KCNT1: variants seen among roughly 807,000 people sequenced by gnomAD.
The protein encoded by KCNT1 is potassium channel subfamily T member 1.
A neutral mutation model predicts 147.8 loss-of-function variants in KCNT1; 78 were observed. The ratio of observed to expected loss-of-function variants is 0.53; its 90% CI spans 0.44 to 0.64. The LOEUF is 0.64. Ranked by LOEUF, KCNT1 falls within the 30% of genes least tolerant of loss-of-function variation. The pLI, the probability that KCNT1 is intolerant of heterozygous loss-of-function variation, is 0.00. For synonymous variants in KCNT1, 867 were observed against 748.8 expected (o/e 1.16, Z -2.58); for missense variants, 1,419 against 1,750.3 (o/e 0.81, Z 3.38).
intron 29 of KCNT1, among the ~76,000 whole-genome samples, chr9:135,787,710 A>G (rs1481869097): frequency 1.3e-5 from 2 of 152,154 alleles, no homozygotes; most frequent in Non-Finnish European, 2.9e-5. Context: ...GCGCTGGGGA[A>G]GGTGTCCCCC....
intron 4 of KCNT1, 88 bp downstream of exon 4, chr9:135,751,129 T>A: frequency 8.0e-7 from 1 of 1,243,870 alleles, no homozygotes; most frequent in Non-Finnish European, 1.2e-6. Flanking sequence ...ATGGCGTCCC[T>A]GGGGGAGCCC....
At chr9:135,744,015 G>A (rs1332096132) in intron 2 of KCNT1, among the ~76,000 whole-genome samples, 2 of 152,236 alleles carry the variant, frequency 1.3e-5, no homozygotes, top group African/African-American at 2.4e-5. Context: ...GGGGGCAGAG[G>A]CCTGCGTGGA....
At chr9:135,717,899 T>C (rs1835781788) in intron 2 of KCNT1, among the ~76,000 whole-genome samples, 1 of 152,078 alleles carries the variant, frequency 6.6e-6, no homozygotes, top group Non-Finnish European at 1.5e-5. Flanking sequence ...GTTGGGTGAG[T>C]CTGGCATGGC....
intron 2 of KCNT1, among the ~76,000 whole-genome samples, chr9:135,748,011 G>C (rs1169683871): frequency 6.6e-6 from 1 of 152,108 alleles, no homozygotes; most frequent in Admixed American, 6.5e-5. Flanking sequence ...GCGTGTTGAC[G>C]GCTCACTTCA....
chr9:135,783,977 G>T, intron 24 of KCNT1, 47 bp from the exon 25 acceptor site: 1 of 1,501,052 alleles, frequency 6.7e-7, no homozygotes, highest in Non-Finnish European at 9.2e-7. Flanking sequence ...CCGTGCCACT[G>T]GAGGGACCTC....
chr9:135,731,958 G>A (rs1371542671), intron 2 of KCNT1, among the ~76,000 whole-genome samples: 7 of 35,542 alleles, frequency 2.0e-4, no homozygotes, highest in Non-Finnish European at 2.2e-4. Flanking sequence ...TCAAATATGC[G>A]TGTATATATA....
At chr9:135,704,664 C>G (rs964675364) in intron 1 of KCNT1, among the ~76,000 whole-genome samples, 4 of 152,354 alleles carry the variant, frequency 2.6e-5, no homozygotes, top group Non-Finnish European at 1.5e-5. Context: ...CCTGGAAATA[C>G]CACTTCCCAG....
intron 2 of KCNT1, among the ~76,000 whole-genome samples, chr9:135,721,903 C>A (rs546193112): frequency 1.3e-5 from 2 of 152,176 alleles, no homozygotes; most frequent in Non-Finnish European, 2.9e-5. Flanking sequence ...GGGAAGGTGA[C>A]GCCTCTGCTG....
intron 2 of KCNT1, among the ~76,000 whole-genome samples, chr9:135,743,054 G>A (rs1049577343): frequency 1.2e-4 from 19 of 152,146 alleles, no homozygotes; most frequent in Middle Eastern, 3.2e-3. Flanking sequence ...CCCAGAGGTG[G>A]GTGGTCCGCA....
Position 135,752,317 on chromosome 9 carries a change from C to A in KCNT1, c.434+1276C>A. The A allele has an allele frequency of 2.2e-6, 1 of 455,058 alleles. No individual in the cohort carries two copies. Among genetic ancestry groups the A allele is most frequent in the Non-Finnish European group, 4.4e-6 (1 of 226,406 alleles). 28.2% of individuals were successfully genotyped at this position (455,058 alleles called of 1,614,324 possible). A position where few individuals can be genotyped will look rare whatever the true frequency, so the allele number is the denominator to read the frequency against. ...CACCTGTTACCCCGTCACAAGGGGG[C>A]CTGGCATCCCCAGGCCAGAGACTTT... On this transcript the variant is annotated intron_variant, in intron 4 of 30. Coordinates refer to ENST00000371757, the MANE Select transcript of KCNT1 (RefSeq NM_020822.3). The surrounding 1 kb of genome is among the most constrained non-coding windows in gnomAD (Gnocchi z 5.1).
At chr9:135,786,825 C>T (rs1031896740) in intron 29 of KCNT1, among the ~76,000 whole-genome samples, 5 of 152,238 alleles carry the variant, frequency 3.3e-5, no homozygotes, top group African/African-American at 4.8e-5. Context: ...GTGCTCGCTT[C>T]CACTGCTCTG....
intron 2 of KCNT1, among the ~76,000 whole-genome samples, chr9:135,729,116 G>A (rs781176876): frequency 6.6e-6 from 1 of 152,206 alleles, no homozygotes. Flanking sequence ...AGGTATACAC[G>A]GGAGATATAA....
At chr9:135,750,794 A>G (rs1831112000) in intron 3 of KCNT1, 148 bp from the exon 4 acceptor site, 2 of 688,924 alleles carry the variant, frequency 2.9e-6, no homozygotes, top group African/African-American at 1.8e-5. Flanking sequence ...CAAACAACGC[A>G]GGGCACACAG....
intron 20 of KCNT1, among the ~76,000 whole-genome samples, chr9:135,776,198 A>C (rs1833159222): frequency 6.6e-6 from 1 of 151,988 alleles, no homozygotes; most frequent in African/African-American, 2.4e-5. Context: ...TGAGATCAGG[A>C]AAGCAAACCA....
chr9:135,710,722 A>G (rs559657715), intron 1 of KCNT1, among the ~76,000 whole-genome samples: 1 of 152,294 alleles, frequency 6.6e-6, no homozygotes, highest in South Asian at 2.1e-4. Flanking sequence ...TCCTTTTCAC[A>G]ACTGCTGTGG....
intron 1 of KCNT1, among the ~76,000 whole-genome samples, chr9:135,709,799 G>A (rs933024525): frequency 1.3e-5 from 2 of 152,176 alleles, no homozygotes; most frequent in African/African-American, 4.8e-5. Flanking sequence ...TCCTGCCTCA[G>A]CCTCCCGAGT....
intron 2 of KCNT1, among the ~76,000 whole-genome samples, chr9:135,720,127 T>G (rs1298152654): frequency 6.6e-6 from 1 of 152,020 alleles, no homozygotes; most frequent in Non-Finnish European, 1.5e-5. Flanking sequence ...GGAGCAGGAA[T>G]GGGTGCAGAA....
chr9:135,721,970 C>T (rs72770348), intron 2 of KCNT1, among the ~76,000 whole-genome samples: 40,250 of 152,150 alleles, frequency 0.26, 6,071 homozygotes, highest in Middle Eastern at 0.49. Context: ...TCCCTCCCTC[C>T]GACGGTGGGT....
rs566700584 is a variant in KCNT1 at position 135,768,652 on chromosome 9, C to T, written c.1380C>T (p.Asn460=). 10 of 1,550,426 alleles carry T rather than the reference C, an allele frequency of 6.4e-6. No individual in the cohort carries two copies. Among genetic ancestry groups the T allele is most frequent in the African/African-American group, 5.5e-5 (4 of 73,100 alleles). ...CCTGCTTCATCCTCAGCAGCAGGAA[C>T]GAGGTGGACCGCACGGCTGCAGTGA... The part of the protein sequence containing the change: ...GEACFILSSR[N]EVDRTAADHQ... The change falls in exon 14 of 31, where the codon AAC becomes AAT. Residue 460 remains asparagine, a synonymous_variant. Transcript: ENST00000371757.
Sources: gnomAD v4.1 joint callset for allele counts (sites outside exome capture counted in the v4.1 genomes callset) on GRCh38, gnomAD v4.1.1 for gene constraint, Gnocchi (gnomAD v3.1) non-coding constraint, MANE v1.5 for transcripts, NCBI Gene and HGNC (gene_info 2026-07-23, HGNC 2026-07-21) for gene names.